Variants in CALN1 observed in about 807,000 individuals in gnomAD.
CALN1 encodes the protein calcium-binding protein 8.
CALN1 carries 17 observed loss-of-function variants against 30.6 expected under a neutral mutation model. The ratio of observed to expected loss-of-function variants is 0.56; its 90% CI spans 0.38 to 0.83. The LOEUF is 0.83. CALN1 is among the 40% of genes least tolerant of loss of function. CALN1 has a pLI of 0.00. For missense variants in CALN1, 291 were observed against 354.9 expected, an observed-to-expected ratio of 0.82 and a Z score of 1.45; for synonymous variants, 156 against 131.4, an observed-to-expected ratio of 1.19 and a Z score of -1.28.
intron 6 of CALN1, among the ~76,000 whole-genome samples, chr7:71,797,099 G>A (rs968116049): frequency 6.6e-6 from 1 of 152,192 alleles, no homozygotes; most frequent in Non-Finnish European, 1.5e-5. Context: ...GAGACAACAG[G>A]TTCATAATCC....
At chr7:72,406,783 A>G (rs533200642) in intron 1 of CALN1, among the ~76,000 whole-genome samples, 2 of 151,732 alleles carry the variant, frequency 1.3e-5, no homozygotes, top group East Asian at 1.9e-4. Context: ...GGCCTGGCTA[A>G]TTTTTGTATT....
chr7:71,854,215 A>C (rs1790809845), intron 5 of CALN1, among the ~76,000 whole-genome samples: 1 of 152,054 alleles, frequency 6.6e-6, no homozygotes, highest in Non-Finnish European at 1.5e-5. Flanking sequence ...AATGGAGAGA[A>C]AGAAACAGGC....
chr7:72,127,057 G>A (rs1466794730), intron 3 of CALN1, among the ~76,000 whole-genome samples: 1 of 151,932 alleles, frequency 6.6e-6, no homozygotes, highest in Non-Finnish European at 1.5e-5. Flanking sequence ...AGGAGAGGAA[G>A]TAGTGTATTT....
intron 4 of CALN1, among the ~76,000 whole-genome samples, chr7:72,064,151 A>G (rs1389752281): frequency 6.6e-6 from 1 of 151,888 alleles, no homozygotes; most frequent in Non-Finnish European, 1.5e-5. Flanking sequence ...TCATGGTGGT[A>G]CACTCCTGTA....
intron 2 of CALN1, among the ~76,000 whole-genome samples, chr7:72,286,722 C>G (rs532478083): frequency 1.3e-5 from 2 of 152,160 alleles, no homozygotes; most frequent in Non-Finnish European, 2.9e-5. Flanking sequence ...GGACAGATCT[C>G]AAATCAGACA....
chr7:72,429,278 G>A (rs1585719317), intron 1 of CALN1, among the ~76,000 whole-genome samples: 1 of 152,236 alleles, frequency 6.6e-6, no homozygotes, highest in East Asian at 1.9e-4. Context: ...CATTATTTGT[G>A]TTTCACCCCT....
upstream of CALN1, among the ~76,000 whole-genome samples, chr7:72,451,359 A>C (rs899165102): frequency 2.2e-4 from 30 of 136,190 alleles, no homozygotes; most frequent in African/African-American, 7.8e-4. Flanking sequence ...GAAGAGAAAA[A>C]GTAGAAAAAA....
intron 2 of CALN1, among the ~76,000 whole-genome samples, chr7:72,300,037 T>C (rs1268801023): frequency 1.3e-5 from 2 of 152,118 alleles, no homozygotes; most frequent in East Asian, 3.9e-4. Context: ...CATGCCACCA[T>C]GCCCAGCTAA....
chr7:72,204,425 T>C (rs960923259), intron 3 of CALN1, among the ~76,000 whole-genome samples: 14 of 152,158 alleles, frequency 9.2e-5, no homozygotes, highest in African/African-American at 2.4e-5. Flanking sequence ...AATGACCATA[T>C]TGCATTCCAG....
intron 2 of CALN1, among the ~76,000 whole-genome samples, chr7:72,327,756 C>T (rs970405615): frequency 4.6e-5 from 7 of 152,104 alleles, no homozygotes; most frequent in African/African-American, 1.7e-4. Context: ...TATTTAATTG[C>T]TCTATTCTTC....
intron 3 of CALN1, among the ~76,000 whole-genome samples, chr7:72,149,487 T>A (rs1340198917): frequency 2.6e-5 from 4 of 151,754 alleles, no homozygotes; most frequent in Non-Finnish European, 5.9e-5. Flanking sequence ...AAAATTAAAA[T>A]TAAAAAACCC....
At chr7:71,830,796 T>C (rs1053584312) in intron 5 of CALN1, among the ~76,000 whole-genome samples, 5 of 152,208 alleles carry the variant, frequency 3.3e-5, no homozygotes, top group African/African-American at 4.8e-5. Context: ...AGAGATGATA[T>C]TGTTTACAAC....
chr7:72,425,362 C>T (rs546902761), intron 1 of CALN1, among the ~76,000 whole-genome samples: 4 of 152,324 alleles, frequency 2.6e-5, no homozygotes, highest in African/African-American at 9.6e-5. Flanking sequence ...GATCCACCCA[C>T]CTCAGCCTCC....
At chr7:71,805,854 A>AT (rs1787575864) in intron 6 of CALN1, among the ~76,000 whole-genome samples, 1 of 152,142 alleles carries the variant, frequency 6.6e-6, no homozygotes, top group Non-Finnish European at 1.5e-5. Flanking sequence ...CCATTTTCTG[A>AT]TAGACTGGAT....
intron 5 of CALN1, among the ~76,000 whole-genome samples, chr7:71,930,497 T>G (rs1392875110): frequency 6.6e-6 from 1 of 152,260 alleles, no homozygotes; most frequent in Non-Finnish European, 1.5e-5. Flanking sequence ...TGCAAATATA[T>G]GCACCCCATG....
At chr7:72,167,206 T>C (rs1325805617) in intron 3 of CALN1, among the ~76,000 whole-genome samples, 1 of 152,196 alleles carries the variant, frequency 6.6e-6, no homozygotes, top group Non-Finnish European at 1.5e-5. Flanking sequence ...CCTTGCACCA[T>C]GATGCTGCTG....
chr7:72,384,933 T>G (rs1029036354), intron 2 of CALN1, among the ~76,000 whole-genome samples: 1 of 152,106 alleles, frequency 6.6e-6, no homozygotes, highest in Non-Finnish European at 1.5e-5. Flanking sequence ...CAAAATATAC[T>G]AAGAAATCTT....
At position 71,786,557 on chromosome 7, in the gene CALN1, C is replaced by T. The variant is rs1241994038; in HGVS notation, c.*1218G>A. On this transcript the variant is annotated 3_prime_UTR_variant, in exon 7 of 7. Transcript: ENST00000395275. ...TTCTGTTGGCTAAACTCATAAACAT[C>T]TTTTCCCCCAACCTCCTGAAAATGA... The T allele has an allele frequency of 6.6e-6, 1 of 152,216 alleles. No homozygotes were observed. Among genetic ancestry groups the T allele is most frequent in the Admixed American group, 6.5e-5 (1 of 15,278 alleles). The allele number at this position is 152,216 out of a possible 1,614,324, so 9.4% of individuals were successfully genotyped here.
At chr7:72,368,940 A>G (rs1804047422) in intron 2 of CALN1, among the ~76,000 whole-genome samples, 1 of 148,356 alleles carries the variant, frequency 6.7e-6, no homozygotes, top group East Asian at 2.0e-4. Flanking sequence ...TCAGCCTCCC[A>G]AGTAGCTGGG....
Sources: allele counts gnomAD v4.1 joint callset (sites outside exome capture counted in the v4.1 genomes callset), GRCh38; gene constraint gnomAD v4.1.1; transcripts MANE v1.5; gene names NCBI Gene and HGNC (gene_info 2026-07-23, HGNC 2026-07-21).